The following PCDH11X variants were observed in gnomAD, a reference collection of about 807,000 sequenced individuals.
The protein encoded by PCDH11X is protocadherin-11 X-linked.
PCDH11X carries 18 observed loss-of-function variants against 53.3 expected under a neutral mutation model. The observed-to-expected ratio is 0.34, with a 90% CI of 0.23 to 0.50. PCDH11X has a LOEUF of 0.50. Ranked by LOEUF, PCDH11X falls within the 20% of genes least tolerant of loss-of-function variation. The pLI is 0.98. For missense variants in PCDH11X, 570 were observed against 1,032.4 expected, an observed-to-expected ratio of 0.55 and a Z score of 6.14; for synonymous variants, 279 against 393.3, an observed-to-expected ratio of 0.71 and a Z score of 3.44.
At chrX:91,929,258 T>C (rs1490628251) in intron 6 of PCDH11X, among the ~76,000 whole-genome samples, 1 of 110,988 alleles carries the variant, frequency 9.0e-6, no homozygotes, top group African/African-American at 3.3e-5. Context: ...TTTATATTGT[T>C]ATAATTAACA....
chrX:91,809,183 C>G (rs1936217550), intron 1 of PCDH11X, among the ~76,000 whole-genome samples: 1 of 111,190 alleles, frequency 9.0e-6, no homozygotes, highest in African/African-American at 3.3e-5. Flanking sequence ...CTTCCTTATA[C>G]CCACATTCCA....
intron 10 of PCDH11X, among the ~76,000 whole-genome samples, chrX:92,613,359 G>A (rs1954688149): frequency 9.0e-6 from 1 of 110,728 alleles, no homozygotes; most frequent in South Asian, 3.8e-4. Flanking sequence ...ATGGAACATA[G>A]TTTGGTGGGA....
intron 6 of PCDH11X, chrX:92,113,158 T>C: frequency 1.0e-6 from 1 of 980,633 alleles, no homozygotes; most frequent in Non-Finnish European, 1.4e-6. Flanking sequence ...TGTCTATCCC[T>C]TGGCTCCCTT....
intron 5 of PCDH11X, among the ~76,000 whole-genome samples, chrX:91,855,968 T>C (rs1938308904): frequency 9.3e-6 from 1 of 107,892 alleles, no homozygotes; most frequent in South Asian, 4.2e-4. Flanking sequence ...AATTCTTCCT[T>C]TCCAATTTGG....
At chrX:92,451,301 A>T (rs2072773932) in intron 9 of PCDH11X, among the ~76,000 whole-genome samples, 1 of 110,532 alleles carries the variant, frequency 9.0e-6, no homozygotes, top group Admixed American at 9.7e-5. Context: ...TCAAACTTTC[A>T]TGTGCAGATC....
intron 8 of PCDH11X, among the ~76,000 whole-genome samples, chrX:92,308,948 C>T (rs948847938): frequency 4.5e-5 from 5 of 109,932 alleles, no homozygotes; most frequent in Non-Finnish European, 9.5e-5. Flanking sequence ...CACTTCTCAC[C>T]GATTCGAAAG....
chrX:92,113,499 G>A (rs1225681079), intron 6 of PCDH11X: 54 of 1,200,083 alleles, frequency 4.5e-5, no homozygotes, highest in Non-Finnish European at 5.7e-5. Context: ...CTCTGCTAGA[G>A]CCAGAACGAA....
chrX:92,409,445 A>G (rs1426448640), intron 9 of PCDH11X, among the ~76,000 whole-genome samples: 2 of 112,234 alleles, frequency 1.8e-5, no homozygotes, highest in African/African-American at 6.5e-5. Flanking sequence ...GAGAAAAATT[A>G]TAAAGCACTA....
At chrX:92,353,248 T>C (rs968559021) in intron 8 of PCDH11X, among the ~76,000 whole-genome samples, 10 of 112,235 alleles carry the variant, frequency 8.9e-5, no homozygotes, top group Non-Finnish European at 1.5e-4. Flanking sequence ...TTTATTTCAC[T>C]GATGGCAGGT....
intron 8 of PCDH11X, among the ~76,000 whole-genome samples, chrX:92,314,472 A>T (rs2069029569): frequency 8.9e-6 from 1 of 111,895 alleles, no homozygotes; most frequent in African/African-American, 3.2e-5. Context: ...TAAAATAATG[A>T]TAAAAATTGT....
chrX:91,830,847 A>T (rs899298177), intron 4 of PCDH11X, among the ~76,000 whole-genome samples: 4 of 111,808 alleles, frequency 3.6e-5, no homozygotes, highest in Non-Finnish European at 3.8e-5. Flanking sequence ...TTGTACAAAA[A>T]TTGTAGCATA....
At position 92,620,795 on chromosome X, in the gene PCDH11X, TAATG is replaced by T. The variant is rs1034582663; in HGVS notation, c.*1856_*1859del. ...TCAGAGTTTGATTAATAAAATTAAT[TAATG>T]TTTTTTCTCCTTCGTGTTGTTAATG... On this transcript the variant is annotated 3_prime_UTR_variant, in exon 11 of 11. Coordinates refer to ENST00000682573, the MANE Select transcript of PCDH11X (RefSeq NM_032968.5). The T allele has an allele frequency of 1.8e-5, 2 of 109,102 alleles. No individual in the cohort carries two copies. Among genetic ancestry groups the T allele is most frequent in the African/African-American group, 6.8e-5 (2 of 29,291 alleles). The allele number at this position is 109,102 out of a possible 1,213,427, so 9.0% of individuals were successfully genotyped here. A position where few individuals can be genotyped will look rare whatever the true frequency, so the allele number is the denominator to read the frequency against.
At chrX:92,109,008 G>A (rs2064445452) in intron 6 of PCDH11X, among the ~76,000 whole-genome samples, 2 of 111,698 alleles carry the variant, frequency 1.8e-5, no homozygotes, top group South Asian at 7.5e-4. Flanking sequence ...CTCAGAGCCG[G>A]CTGTGTGGGA....
chrX:91,929,471 T>C (rs1336700716), intron 6 of PCDH11X, among the ~76,000 whole-genome samples: 2 of 110,386 alleles, frequency 1.8e-5, no homozygotes, highest in Non-Finnish European at 3.8e-5. Context: ...AAATGCTAAG[T>C]AAATTGCCAA....
intron 9 of PCDH11X, among the ~76,000 whole-genome samples, chrX:92,393,664 A>G (rs2071181355): frequency 1.8e-5 from 2 of 111,393 alleles, no homozygotes; most frequent in Admixed American, 1.9e-4. Flanking sequence ...CATTGTAATA[A>G]TTGATACTGT....
intron 8 of PCDH11X, among the ~76,000 whole-genome samples, chrX:92,279,758 C>T (rs112655629): frequency 0.017 from 1,894 of 111,223 alleles, 42 homozygotes; most frequent in African/African-American, 0.059. Flanking sequence ...TGGTTTTTGC[C>T]CAGCATATTT....
intron 9 of PCDH11X, among the ~76,000 whole-genome samples, chrX:92,451,420 C>G (rs902146401): frequency 4.5e-5 from 5 of 110,305 alleles, no homozygotes; most frequent in African/African-American, 1.6e-4. Context: ...GGGAGTGTAG[C>G]CTGGAAATAA....
intron 6 of PCDH11X, among the ~76,000 whole-genome samples, chrX:91,960,235 A>G (rs1292932638): frequency 9.7e-6 from 1 of 103,504 alleles, no homozygotes; most frequent in Admixed American, 1.1e-4. Context: ...TCTTCATTTT[A>G]TTGTTTGTTT....
At chrX:91,968,948 TAGAA>T (rs748416902) in intron 6 of PCDH11X, among the ~76,000 whole-genome samples, 30 of 111,627 alleles carry the variant, frequency 2.7e-4, no homozygotes, top group Admixed American at 2.3e-3. Context: ...TAATTTCTCT[TAGAA>T]AGTCCGAAAT....
Sources: allele counts gnomAD v4.1 joint callset (sites outside exome capture counted in the v4.1 genomes callset), GRCh38; gene constraint gnomAD v4.1.1; transcripts MANE v1.5; gene names NCBI Gene and HGNC (gene_info 2026-07-23, HGNC 2026-07-21).